Variants in LHFPL3 observed in about 807,000 individuals in gnomAD.
LHFPL3 encodes the protein LHFPL tetraspan subfamily member 3 protein.
A neutral mutation model predicts 19.3 loss-of-function variants in LHFPL3; 5 were observed. The ratio of observed to expected loss-of-function variants is 0.26; its 90% CI spans 0.14 to 0.54. The LOEUF (loss-of-function observed/expected upper bound fraction) is 0.54. LHFPL3 is among the 20% of genes least tolerant of loss of function. LHFPL3 has a pLI of 0.94. For missense variants in LHFPL3, 249 were observed against 307.4 expected (o/e 0.81, Z 1.42); for synonymous variants, 133 against 126.2 (o/e 1.05, Z -0.36).
intron 1 of LHFPL3, among the ~76,000 whole-genome samples, chr7:104,504,888 C>A (rs1324434500): frequency 2.0e-5 from 3 of 152,104 alleles, no homozygotes; most frequent in Non-Finnish European, 4.4e-5. Context: ...GTGGTGGAAG[C>A]TTTTAGTTGG....
At chr7:104,596,880 A>G (rs1332062724) in intron 1 of LHFPL3, among the ~76,000 whole-genome samples, 3 of 152,236 alleles carry the variant, frequency 2.0e-5, no homozygotes, top group African/African-American at 7.2e-5. Context: ...CCAAGTGACC[A>G]TGAGCTCATT....
chr7:104,535,153 C>G (rs1180427489), intron 1 of LHFPL3, among the ~76,000 whole-genome samples: 1 of 152,162 alleles, frequency 6.6e-6, no homozygotes, highest in Non-Finnish European at 1.5e-5. Context: ...TCTGATTGAA[C>G]TACAAATAAG....
intron 2 of LHFPL3, among the ~76,000 whole-genome samples, chr7:104,821,106 C>A (rs996861290): frequency 6.6e-6 from 1 of 152,128 alleles, no homozygotes; most frequent in Non-Finnish European, 1.5e-5. Context: ...ATCTTTATTG[C>A]ATGCTTTCTG....
At chr7:104,614,680 C>CTTCCTTCCTTCCTTCCTTCTTTCT (rs767634683) in intron 1 of LHFPL3, among the ~76,000 whole-genome samples, 26 of 94,480 alleles carry the variant, frequency 2.8e-4, no homozygotes, top group Non-Finnish European at 4.8e-4. Context: ...TCCTTCCTTC[C>CTTCCTTCCTTCCTTCCTTCTTTCT]TTCTTTCTTT....
At chr7:104,743,236 A>G (rs1793970792) in intron 2 of LHFPL3, among the ~76,000 whole-genome samples, 1 of 152,050 alleles carries the variant, frequency 6.6e-6, no homozygotes. Context: ...AGGCCCATAC[A>G]CTCATACCAC....
At chr7:104,543,241 G>T (rs112018852) in intron 1 of LHFPL3, among the ~76,000 whole-genome samples, 1 of 151,846 alleles carries the variant, frequency 6.6e-6, no homozygotes, top group Non-Finnish European at 1.5e-5. Flanking sequence ...TTAGAATGGC[G>T]ATCATTAAAA....
chr7:104,584,329 G>A (rs1004287681), intron 1 of LHFPL3, among the ~76,000 whole-genome samples: 3 of 151,788 alleles, frequency 2.0e-5, no homozygotes, highest in African/African-American at 4.8e-5. Context: ...GAGAGGGGAG[G>A]GATAGCATTA....
intron 1 of LHFPL3, among the ~76,000 whole-genome samples, chr7:104,735,805 G>C (rs1402798345): frequency 6.6e-6 from 1 of 152,216 alleles, no homozygotes. Flanking sequence ...CATGCTGGGA[G>C]CTATAGACTG....
intron 1 of LHFPL3, among the ~76,000 whole-genome samples, chr7:104,395,639 A>G (rs921691569): frequency 4.4e-4 from 67 of 152,166 alleles, no homozygotes; most frequent in African/African-American, 1.5e-3. Flanking sequence ...TGGAAGAAAT[A>G]AATTGCCTGC....
At chr7:104,467,795 T>A (rs1792822343) in intron 1 of LHFPL3, among the ~76,000 whole-genome samples, 2 of 152,250 alleles carry the variant, frequency 1.3e-5, no homozygotes, top group South Asian at 4.1e-4. Context: ...TCAACTTGGA[T>A]ACCAAGTCAT....
At chr7:104,523,570 T>C (rs1017458175) in intron 1 of LHFPL3, among the ~76,000 whole-genome samples, 4 of 152,202 alleles carry the variant, frequency 2.6e-5, no homozygotes, top group Non-Finnish European at 5.9e-5. Flanking sequence ...TTCTAGTCTA[T>C]AGGCCAGGCA....
chr7:104,764,640 C>G (rs12537737), intron 2 of LHFPL3, among the ~76,000 whole-genome samples: 45,948 of 152,050 alleles, frequency 0.3, 7,619 homozygotes, highest in East Asian at 0.67. Flanking sequence ...GAAACTGCGC[C>G]TTATACAGTT....
chr7:104,670,671 C>A (rs1418454851), intron 1 of LHFPL3, among the ~76,000 whole-genome samples: 3 of 152,022 alleles, frequency 2.0e-5, no homozygotes, highest in Non-Finnish European at 4.4e-5. Context: ...ATGCTTTGAC[C>A]CCTTTTATTG....
At chr7:104,762,742 G>A (rs958451664) in intron 2 of LHFPL3, among the ~76,000 whole-genome samples, 33 of 152,174 alleles carry the variant, frequency 2.2e-4, no homozygotes, top group African/African-American at 8.0e-4. Flanking sequence ...TTGTATGGCA[G>A]GCATTTTGAT....
At chr7:104,333,796 A>G (rs73713088) in intron 1 of LHFPL3, among the ~76,000 whole-genome samples, 3,568 of 152,258 alleles carry the variant, frequency 0.023, 150 homozygotes, top group African/African-American at 0.081. Flanking sequence ...TTCCATGTTT[A>G]TTTAATTTCT....
intron 2 of LHFPL3, among the ~76,000 whole-genome samples, chr7:104,768,158 GC>G: frequency 7.6e-6 from 1 of 132,172 alleles, no homozygotes; most frequent in South Asian, 2.4e-4. Context: ...AAAAAAAAAA[GC>G]AAGAACATTG....
rs956774679 is a variant in LHFPL3 at position 104,848,999 on chromosome 7, C to T, written c.683-57188C>T. Among the ~76,000 whole-genome samples, 3 of 151,940 alleles carry T rather than the reference C, an allele frequency of 2.0e-5. No homozygotes were observed. The East Asian group carries it at 5.8e-4, about 29-fold the overall frequency. ...CTGGAGTGCAGTGGCGTGATCTCAA[C>T]TCACTGCAACTTCCACCTCTGGAGT... On this transcript the variant is annotated intron_variant, in intron 2 of 2. Coordinates refer to ENST00000424859, the MANE Select transcript of LHFPL3 (RefSeq NM_199000.3).
At chr7:104,828,856 G>C (rs1790875140) in intron 2 of LHFPL3, among the ~76,000 whole-genome samples, 1 of 150,900 alleles carries the variant, frequency 6.6e-6, no homozygotes, top group African/African-American at 2.5e-5. Flanking sequence ...CCAACATGGT[G>C]AAACCCTGTC....
chr7:104,484,220 C>T (rs1470294686), intron 1 of LHFPL3, among the ~76,000 whole-genome samples: 2 of 152,092 alleles, frequency 1.3e-5, no homozygotes, highest in African/African-American at 2.4e-5. Flanking sequence ...GTGTCCTATT[C>T]GTTTACCTGT....
Sources: gnomAD v4.1 joint callset for allele counts (sites outside exome capture counted in the v4.1 genomes callset) on GRCh38, gnomAD v4.1.1 for gene constraint, MANE v1.5 for transcripts, NCBI Gene and HGNC (gene_info 2026-07-23, HGNC 2026-07-21) for gene names.